Variants in PRKCB observed in about 807,000 individuals in gnomAD.
PRKCB encodes the protein protein kinase C beta, also known as protein kinase C beta type.
PRKCB carries 13 observed loss-of-function variants against 81.5 expected under a neutral mutation model. The ratio of observed to expected loss-of-function variants is 0.16; its 90% confidence interval spans 0.10 to 0.25. The LOEUF (loss-of-function observed/expected upper bound fraction) is 0.25. Ranked by LOEUF, PRKCB falls within the 10% of genes least tolerant of loss-of-function variation. The pLI is 1.00. For synonymous variants in PRKCB, 335 were observed against 321.4 expected (o/e 1.04, Z -0.45); for missense variants, 509 against 875.7 (o/e 0.58, Z 5.29).
At chr16:24,193,465 AAAT>A (rs1197653293) in intron 16 of PRKCB, among the ~76,000 whole-genome samples, 8 of 68,354 alleles carry the variant, frequency 1.2e-4, no homozygotes, top group Non-Finnish European at 1.8e-4. Context: ...ATAAATAAAT[AAAT>A]AAATAAATAA....
At chr16:23,899,002 G>C (rs55942918) in intron 2 of PRKCB, among the ~76,000 whole-genome samples, 1 of 152,178 alleles carries the variant, frequency 6.6e-6, no homozygotes, top group African/African-American at 2.4e-5. Flanking sequence ...AGAGACAGCC[G>C]TTGTGACTGT....
chr16:24,100,397 A>G (rs574942201), intron 7 of PRKCB, among the ~76,000 whole-genome samples: 11 of 152,180 alleles, frequency 7.2e-5, no homozygotes, highest in African/African-American at 2.6e-4. Context: ...TGTGCTGAAG[A>G]TCCTGGCCTG....
At chr16:24,147,891 A>C (rs1967018813) in intron 9 of PRKCB, among the ~76,000 whole-genome samples, 1 of 152,200 alleles carries the variant, frequency 6.6e-6, no homozygotes, top group Admixed American at 6.5e-5. Context: ...GGGCATGTAC[A>C]TGGTTATTGT....
chr16:24,083,575 C>T (rs1298871756), intron 5 of PRKCB, among the ~76,000 whole-genome samples: 2 of 152,150 alleles, frequency 1.3e-5, no homozygotes, highest in Admixed American at 1.3e-4. Flanking sequence ...AGAAACCAAT[C>T]TCAAAAGGTT....
intron 8 of PRKCB, among the ~76,000 whole-genome samples, chr16:24,122,720 A>G (rs1966814788): frequency 6.9e-6 from 1 of 145,156 alleles, no homozygotes; most frequent in Non-Finnish European, 1.5e-5. Context: ...TCAGCATCAA[A>G]AAGTGTTGGA....
Position 23,860,119 on chromosome 16 carries a change from T to C in PRKCB, c.205+22713T>C, listed in dbSNP as rs556255910. Among the ~76,000 whole-genome samples the C allele has an allele frequency of 3.3e-5, 5 of 152,298 alleles. No individual in the cohort carries two copies. In the South Asian group the frequency reaches 1.0e-3, roughly 32 times the overall value. On this transcript the variant is annotated intron_variant, in intron 2 of 16. Coordinates refer to ENST00000643927, the MANE Select transcript of PRKCB (RefSeq NM_002738.7). Reference sequence around the variant, plus strand: ...CTCATGACCCCAGGCAAATTTCTTATCCTTAGCTTCTTCATTTTGAAAAAG... The same window carrying C: ...CTCATGACCCCAGGCAAATTTCTTACCCTTAGCTTCTTCATTTTGAAAAAG...
intron 3 of PRKCB, among the ~76,000 whole-genome samples, chr16:24,031,045 C>T (rs1965544713): frequency 6.6e-6 from 1 of 152,110 alleles, no homozygotes; most frequent in African/African-American, 2.4e-5. Context: ...GCCTGGGTGA[C>T]AGAGCAAAAC....
intron 7 of PRKCB, among the ~76,000 whole-genome samples, chr16:24,107,926 A>T (rs1966599048): frequency 6.6e-6 from 1 of 152,210 alleles, no homozygotes; most frequent in Non-Finnish European, 1.5e-5. Flanking sequence ...CATAAATAAT[A>T]TTGAATTGTG....
At chr16:23,975,239 C>T (rs1207725989) in intron 2 of PRKCB, among the ~76,000 whole-genome samples, 2 of 152,046 alleles carry the variant, frequency 1.3e-5, no homozygotes, top group Non-Finnish European at 2.9e-5. Flanking sequence ...TTCCATTTGC[C>T]TATTTTAGAG....
At chr16:24,109,500 C>T (rs1266115906) in intron 7 of PRKCB, among the ~76,000 whole-genome samples, 1 of 119,126 alleles carries the variant, frequency 8.4e-6, no homozygotes, top group African/African-American at 3.9e-5. Flanking sequence ...CCCCACATCT[C>T]AGACGATGGG....
At chr16:23,912,085 G>A (rs148581791) in intron 2 of PRKCB, among the ~76,000 whole-genome samples, 5,441 of 151,888 alleles carry the variant, frequency 0.036, 332 homozygotes, top group African/African-American at 0.12. Context: ...ACCCACCTCC[G>A]CCTCCCAAAG....
At chr16:23,919,825 G>A (rs147228319) in intron 2 of PRKCB, among the ~76,000 whole-genome samples, 29 of 152,290 alleles carry the variant, frequency 1.9e-4, no homozygotes, top group African/African-American at 6.7e-4. Flanking sequence ...TGTTGCGTGT[G>A]TCAGAAGTTC....
At chr16:23,856,624 A>G (rs1962573670) in intron 2 of PRKCB, among the ~76,000 whole-genome samples, 1 of 152,032 alleles carries the variant, frequency 6.6e-6, no homozygotes, top group South Asian at 2.1e-4. Context: ...CCCAGGCCCA[A>G]GAGATCCTCC....
intron 9 of PRKCB, among the ~76,000 whole-genome samples, chr16:24,135,967 C>A (rs1243115647): frequency 6.6e-6 from 1 of 152,118 alleles, no homozygotes; most frequent in Admixed American, 6.6e-5. Context: ...TCCAGAGAAC[C>A]TTTTTGACAT....
chr16:23,927,106 T>C (rs1200061966), intron 2 of PRKCB, among the ~76,000 whole-genome samples: 3 of 152,088 alleles, frequency 2.0e-5, no homozygotes, highest in Non-Finnish European at 4.4e-5. Context: ...CGGTGAGATA[T>C]GTGCTGTGAT....
At chr16:23,847,489 CTTCCATTCATTCATCCAAA>C (rs1962398153) in intron 2 of PRKCB, among the ~76,000 whole-genome samples, 1 of 150,994 alleles carries the variant, frequency 6.6e-6, no homozygotes, top group African/African-American at 2.4e-5. Context: ...CCCAGCTATT[CTTCCATTCATTCATCCAAA>C]CATCCACCCA....
intron 2 of PRKCB, among the ~76,000 whole-genome samples, chr16:23,878,188 GAATT>G (rs1393857106): frequency 1.3e-5 from 2 of 152,120 alleles, no homozygotes; most frequent in East Asian, 1.9e-4. Flanking sequence ...TGCAAACACT[GAATT>G]AATAAACACT....
Position 23,908,797 on chromosome 16 carries a change from C to T in PRKCB, c.205+71391C>T, listed in dbSNP as rs138381716. Among the ~76,000 whole-genome samples the T allele has an allele frequency of 6.3e-3, 956 of 152,230 alleles. 15 individuals are homozygous for T. The highest frequency in any genetic ancestry group is 0.022 in the African/African-American group (915 of 41,524). On this transcript the variant is annotated intron_variant, in intron 2 of 16. Coordinates refer to ENST00000643927, the MANE Select transcript of PRKCB (RefSeq NM_002738.7). ...CCTCCCAAAGTGCTGGGATTACAGG[C>T]GTGAGCCACCGCGCCCAGCCTGGGC...
Position 23,847,326 on chromosome 16 carries a change from A to G in PRKCB, c.205+9920A>G, listed in dbSNP as rs1247249833. ...GTAAAATATGATCCTGCCTCTATCT[A>G]TCTATCTATCTATCTATCTATCTAT... On this transcript the variant is annotated intron_variant, in intron 2 of 16. Transcript: ENST00000643927. Among the ~76,000 whole-genome samples the G allele has an allele frequency of 1.8e-4, 4 of 22,188 alleles. No homozygotes were observed. In the Admixed American group the frequency reaches 1.8e-3, roughly 10 times the overall value. 14.6% of individuals were successfully genotyped at this position (22,188 alleles called of 152,430 possible).
Sources: allele counts gnomAD v4.1 joint callset (sites outside exome capture counted in the v4.1 genomes callset), GRCh38; gene constraint gnomAD v4.1.1; transcripts MANE v1.5; gene names NCBI Gene and HGNC (gene_info 2026-07-23, HGNC 2026-07-21).